The following PPFIBP2 variants were observed in gnomAD, a reference collection of about 807,000 sequenced individuals.
PPFIBP2 encodes the protein liprin-beta-2.
In PPFIBP2, 118 loss-of-function variants were observed where a neutral mutation model predicts 118.3. The observed-to-expected ratio is 1.00, with a 90% CI of 0.86 to 1.16. The LOEUF (loss-of-function observed/expected upper bound fraction) is 1.16, where lower values mean the gene tolerates loss of function less well. Ranked by LOEUF, PPFIBP2 falls within the 50% of genes most tolerant of loss-of-function variation. The pLI is 0.00. For synonymous variants in PPFIBP2, 414 were observed against 397.4 expected (o/e 1.04, Z -0.50); for missense variants, 1,195 against 1,073.1 (o/e 1.11, Z -1.59).
intron 1 of PPFIBP2, among the ~76,000 whole-genome samples, chr11:7,533,219 C>A (rs906590195): frequency 5.3e-5 from 8 of 152,232 alleles, no homozygotes; most frequent in African/African-American, 1.9e-4. Flanking sequence ...ATGGTAGAGA[C>A]GCTTTCACCT....
chr11:7,534,536 A>G (rs1227510108), intron 1 of PPFIBP2, among the ~76,000 whole-genome samples: 1 of 152,152 alleles, frequency 6.6e-6, no homozygotes, highest in East Asian at 1.9e-4. Flanking sequence ...TGCTGTAAGA[A>G]GGAAAATGAG....
intron 1 of PPFIBP2, among the ~76,000 whole-genome samples, chr11:7,543,595 C>G (rs1309809810): frequency 6.6e-6 from 1 of 152,214 alleles, no homozygotes; most frequent in Non-Finnish European, 1.5e-5. Flanking sequence ...TTTCAGCATC[C>G]AGGGCTATGT....
chr11:7,618,769 A>T (rs185678180), intron 6 of PPFIBP2, among the ~76,000 whole-genome samples: 1 of 151,926 alleles, frequency 6.6e-6, no homozygotes, highest in Non-Finnish European at 1.5e-5. Flanking sequence ...TTTAGTAGAG[A>T]TAGGGTTTCA....
At chr11:7,574,812 G>C (rs1206186376) in intron 3 of PPFIBP2, among the ~76,000 whole-genome samples, 1 of 152,140 alleles carries the variant, frequency 6.6e-6, no homozygotes, top group African/African-American at 2.4e-5. Context: ...CTGCTCCTAG[G>C]TCTTTTGGGG....
rs1197268557 is a variant in PPFIBP2 at position 7,649,039 on chromosome 11, T to C, written c.1910-108T>C. ...AAAAAGCAGAGGAATTACTAAACTT[T>C]TGGGGGAATAAAACGAACCTCAAAA... On this transcript the variant is annotated intron_variant, in intron 19 of 23. Transcript: ENST00000299492. The C allele has an allele frequency of 5.9e-6, 8 of 1,363,718 alleles. No individual in the cohort carries two copies. In the East Asian group the frequency reaches 1.4e-4, roughly 24 times the overall value. 84.5% of individuals were successfully genotyped at this position (1,363,718 alleles called of 1,614,324 possible).
At chr11:7,663,653 C>T in the PPFIBP2 span, among the ~76,000 whole-genome samples, 1 of 152,244 alleles carries the variant, frequency 6.6e-6, no homozygotes, top group African/African-American at 2.4e-5. Context: ...AGGCAGGCCT[C>T]CTTGAGCTGT....
chr11:7,539,422 T>G (rs572956907), intron 1 of PPFIBP2: 6 of 152,528 alleles, frequency 3.9e-5, no homozygotes, highest in African/African-American at 1.4e-4. Context: ...TCTGATCCTG[T>G]GGGGGTCGTG....
At chr11:7,613,777 C>T (rs1306223480) in intron 6 of PPFIBP2, among the ~76,000 whole-genome samples, 3 of 152,146 alleles carry the variant, frequency 2.0e-5, no homozygotes, top group African/African-American at 4.8e-5. Context: ...TGCAGTTGGA[C>T]CCCACTGTGG....
intron 1 of PPFIBP2, among the ~76,000 whole-genome samples, chr11:7,535,621 G>A (rs1283938567): frequency 6.6e-6 from 1 of 152,214 alleles, no homozygotes; most frequent in East Asian, 1.9e-4. Context: ...CAGTGTAGAA[G>A]TGAGTGTTTA....
chr11:7,630,386 A>T (rs1305798532), intron 10 of PPFIBP2, among the ~76,000 whole-genome samples: 1 of 152,174 alleles, frequency 6.6e-6, no homozygotes, highest in Non-Finnish European at 1.5e-5. Flanking sequence ...ATCTCAGCTC[A>T]CCGTAACCTC....
At chr11:7,529,877 G>T (rs1313702975) in intron 1 of PPFIBP2, among the ~76,000 whole-genome samples, 1 of 152,218 alleles carries the variant, frequency 6.6e-6, no homozygotes, top group Non-Finnish European at 1.5e-5. Flanking sequence ...TTCAGCTCTG[G>T]AAGGCCCTGT....
At chr11:7,666,615 C>G in the PPFIBP2 span, 1 of 1,192,138 alleles carries the variant, frequency 8.4e-7, no homozygotes, top group Non-Finnish European at 1.2e-6. Context: ...GGACTGACTA[C>G]ACCGGTCAGC....
chr11:7,628,660 C>T (rs1300374707), intron 9 of PPFIBP2, among the ~76,000 whole-genome samples: 1 of 152,222 alleles, frequency 6.6e-6, no homozygotes, highest in Non-Finnish European at 1.5e-5. Context: ...GAACTCCTAG[C>T]ACAACAGCCC....
intron 4 of PPFIBP2, among the ~76,000 whole-genome samples, 200 bp downstream of exon 4, chr11:7,593,424 G>T (rs975327061): frequency 2.0e-5 from 3 of 152,164 alleles, no homozygotes; most frequent in African/African-American, 7.2e-5. Flanking sequence ...GCTTAGGGGG[G>T]CTGTGAATTC....
Position 7,589,547 on chromosome 11 carries a change from C to G in PPFIBP2, c.280-3585C>G, listed in dbSNP as rs574588689. Reference sequence around the variant, plus strand: ...GGCAGAGGTTGCAGTGAGCCTAGATCGCACCACTGCACTCCAGCCTGGTGA... The same window carrying G: ...GGCAGAGGTTGCAGTGAGCCTAGATGGCACCACTGCACTCCAGCCTGGTGA... On this transcript the variant is annotated intron_variant, in intron 3 of 23. Coordinates refer to ENST00000299492, the MANE Select transcript of PPFIBP2 (RefSeq NM_003621.5). Among the ~76,000 whole-genome samples the G allele has an allele frequency of 2.0e-5, 3 of 151,802 alleles. No homozygotes were observed. The East Asian group carries it at 5.8e-4, about 29-fold the overall frequency.
At chr11:7,587,740 C>T (rs1858464259) in intron 3 of PPFIBP2, among the ~76,000 whole-genome samples, 2 of 152,248 alleles carry the variant, frequency 1.3e-5, no homozygotes, top group South Asian at 4.1e-4. Context: ...CTACCATGCT[C>T]TGTTCCCAAG....
At chr11:7,536,306 C>T (rs1851209751) in intron 1 of PPFIBP2, among the ~76,000 whole-genome samples, 2 of 152,192 alleles carry the variant, frequency 1.3e-5, no homozygotes, top group South Asian at 2.1e-4. Flanking sequence ...GGATGAGTGA[C>T]GTCCCACCAC....
intron 2 of PPFIBP2, among the ~76,000 whole-genome samples, chr11:7,556,536 A>G (rs1200722489): frequency 2.0e-5 from 3 of 152,232 alleles, no homozygotes; most frequent in South Asian, 2.1e-4. Context: ...TCAGTATTCT[A>G]GTATCTTTGT....
chr11:7,548,590 G>C (rs941099024), intron 1 of PPFIBP2: 3 of 152,244 alleles, frequency 2.0e-5, no homozygotes, highest in Admixed American at 1.3e-4. Flanking sequence ...ATGAGAGGAG[G>C]CTGCAGGAAG....
Sources: gnomAD v4.1 joint callset for allele counts (sites outside exome capture counted in the v4.1 genomes callset) on GRCh38, gnomAD v4.1.1 for gene constraint, MANE v1.5 for transcripts, NCBI Gene and HGNC (gene_info 2026-07-23, HGNC 2026-07-21) for gene names.